DIXDC1: variants seen among roughly 807,000 people sequenced by gnomAD.
DIXDC1 encodes the protein DIX domain containing 1.
In DIXDC1, 64 loss-of-function variants were observed where a neutral mutation model predicts 103.1. The ratio of observed to expected loss-of-function variants is 0.62; its 90% confidence interval spans 0.51 to 0.76. The LOEUF is 0.76. Among genes scored for constraint, DIXDC1 ranks in the 30% least tolerant of loss-of-function variants. DIXDC1 has a pLI of 0.00. For missense variants in DIXDC1, 759 were observed against 834.2 expected, an observed-to-expected ratio of 0.91 and a Z score of 1.11; for synonymous variants, 266 against 298.5, an observed-to-expected ratio of 0.89 and a Z score of 1.12.
chr11:111,986,014 A>G (rs1355633616), intron 8 of DIXDC1, among the ~76,000 whole-genome samples: 1 of 152,136 alleles, frequency 6.6e-6, no homozygotes, highest in Non-Finnish European at 1.5e-5. Flanking sequence ...CCAGTCAGTC[A>G]CCAAGTTTTA....
intron 1 of DIXDC1, among the ~76,000 whole-genome samples, chr11:111,939,765 A>G (rs782126436): frequency 6.6e-6 from 1 of 152,184 alleles, no homozygotes. Flanking sequence ...TTTAGAGTCC[A>G]TGGGGCCCTA....
intron 1 of DIXDC1, among the ~76,000 whole-genome samples, chr11:111,955,339 C>CAA (rs869169346): frequency 1.0e-4 from 5 of 49,778 alleles, no homozygotes; most frequent in Non-Finnish European, 1.5e-4. Flanking sequence ...GAGACCCTGT[C>CAA]AAAAAAAAAA....
intron 1 of DIXDC1, among the ~76,000 whole-genome samples, chr11:111,943,910 C>G (rs182260394): frequency 6.6e-6 from 1 of 152,090 alleles, no homozygotes; most frequent in East Asian, 1.9e-4. Context: ...AAGAACCTGT[C>G]CATGAAAGGA....
rs1264855566 is a variant in DIXDC1, at chr11:111,958,614, G to A, written c.61-5935G>A. Among the ~76,000 whole-genome samples, 2 of 152,200 alleles carry A rather than the reference G, an allele frequency of 1.3e-5. No individual in the cohort carries two copies. Among genetic ancestry groups the A allele is most frequent in the African/African-American group, 2.4e-5 (1 of 41,466 alleles). Reference sequence around the variant, plus strand: ...CTGGTCTACACGTGCCCCTTGGCACGTGGCAGGAGGCAGACAGGCTCCTGT... The same window carrying A: ...CTGGTCTACACGTGCCCCTTGGCACATGGCAGGAGGCAGACAGGCTCCTGT... On this transcript the variant is annotated intron_variant, in intron 1 of 19. Coordinates refer to ENST00000440460, the MANE Select transcript of DIXDC1 (RefSeq NM_001037954.4). The surrounding 1 kb of genome is among the most constrained non-coding windows in gnomAD (Gnocchi z 4.2).
intron 17 of DIXDC1, among the ~76,000 whole-genome samples, chr11:112,002,035 G>A (rs1861084700): frequency 6.6e-6 from 1 of 152,070 alleles, no homozygotes; most frequent in Non-Finnish European, 1.5e-5. Flanking sequence ...GGGATTACAG[G>A]GGTGAGCCAC....
chr11:111,929,675 C>T (rs587749594), intron 1 of DIXDC1: 1 of 476,270 alleles, frequency 2.1e-6, no homozygotes, highest in Non-Finnish European at 3.7e-6. Context: ...TTCCTGCTAA[C>T]TAGGGTCCTA....
chr11:111,993,501 G>A lies in DIXDC1; in HGVS notation c.1278G>A (p.Glu426=), dbSNP rs782153347. Residue 426 remains glutamate, a synonymous_variant, in exon 13 of 20, where the codon GAG becomes GAA. Transcript: ENST00000440460. ...RNRLLGEYKK[E]LGQKDRLLQQ... ...AAGCTCTATCTTTATTGCAGAAAGA[G>A]CTGGGGCAGAAGGATCGCCTTCTTC... 30 of 1,613,904 alleles carry A rather than the reference G, an allele frequency of 1.9e-5. No homozygotes were observed. The highest frequency in any genetic ancestry group is 1.3e-4 in the Admixed American group (8 of 59,994).
chr11:111,977,403 A>G lies in DIXDC1; in HGVS notation c.656+2420A>G, dbSNP rs1860143176. ...CCCTCCCAGTGGGAGATGGGTTGAG[A>G]TGCCCCCGCCAGGGGGGATGCCCGG... On this transcript the variant is annotated intron_variant, in intron 5 of 19. Coordinates refer to ENST00000440460, the MANE Select transcript of DIXDC1 (RefSeq NM_001037954.4). The surrounding 1 kb of genome is among the most constrained non-coding windows in gnomAD (Gnocchi z 6.1). 2.6e-6 allele frequency: 3 copies of G among 1,133,442 alleles called. No homozygotes were observed. The highest frequency in any genetic ancestry group is 3.4e-5 in the African/African-American group (2 of 59,676). The allele number at this position is 1,133,442 out of a possible 1,614,324, so 70.2% of individuals were successfully genotyped here. A position where few individuals can be genotyped will look rare whatever the true frequency, so the allele number is the denominator to read the frequency against.
At position 111,942,999 on chromosome 11, in the gene DIXDC1, T is replaced by C. The variant is rs78313537; in HGVS notation, c.60+5440T>C. On this transcript the variant is annotated intron_variant, in intron 1 of 19. Coordinates refer to ENST00000440460, the MANE Select transcript of DIXDC1 (RefSeq NM_001037954.4). Reference sequence around the variant, plus strand: ...CTTGGCAGTCGTTCCAATAAGAAGATGACGGGTAGCACAGACAGCTTGAAT... The same window carrying C: ...CTTGGCAGTCGTTCCAATAAGAAGACGACGGGTAGCACAGACAGCTTGAAT... 4.9e-3 allele frequency among the ~76,000 whole-genome samples: 743 copies of C among 152,320 alleles called. 3 individuals carry two copies. The highest frequency in any genetic ancestry group is 0.017 in the African/African-American group (709 of 41,566).
intron 1 of DIXDC1, among the ~76,000 whole-genome samples, chr11:111,963,693 C>T (rs1859644468): frequency 6.6e-6 from 1 of 152,194 alleles, no homozygotes; most frequent in South Asian, 2.1e-4. Flanking sequence ...AAATAATCAG[C>T]ATAAACATCT....
chr11:112,006,466 C>T (rs1009602160), intron 17 of DIXDC1, among the ~76,000 whole-genome samples: 126 of 152,356 alleles, frequency 8.3e-4, no homozygotes, highest in African/African-American at 2.8e-3. Context: ...GCTCTGAGAA[C>T]GGACAGACTG....
chr11:112,018,142 T>C (rs1434024276), intron 19 of DIXDC1, among the ~76,000 whole-genome samples: 1 of 152,262 alleles, frequency 6.6e-6, no homozygotes, highest in Non-Finnish European at 1.5e-5. Context: ...AATTATTTTG[T>C]TAGGGAAAAT....
At chr11:111,963,149 T>C (rs1555171212) in intron 1 of DIXDC1, among the ~76,000 whole-genome samples, 1 of 152,240 alleles carries the variant, frequency 6.6e-6, no homozygotes, top group Admixed American at 6.5e-5. Flanking sequence ...CTAGTGTTTT[T>C]CTGAGAATTG....
At chr11:111,934,002 C>T (rs1334516079), upstream of DIXDC1, among the ~76,000 whole-genome samples, 1 of 152,208 alleles carries the variant, frequency 6.6e-6, no homozygotes, top group African/African-American at 2.4e-5. Flanking sequence ...CTCATTCATT[C>T]CTTCAAGTAA....
chr11:111,996,111 G>A lies in DIXDC1; in HGVS notation c.1721G>A (p.Gly574Asp), dbSNP rs782526258. ...VRVKSPRTQVGSEYRESWPPN... is the reference protein window; with the variant it reads ...VRVKSPRTQVDSEYRESWPPN... Reference sequence around the variant, plus strand: ...GTCAAGTCACCCAGAACTCAAGTAGGTAGTGAATACCGGGAGTCCTGGCCC... The same window carrying A: ...GTCAAGTCACCCAGAACTCAAGTAGATAGTGAATACCGGGAGTCCTGGCCC... The change falls in exon 17 of 20, where the codon GGT becomes GAT. Residue 574 changes from glycine to aspartate, a missense_variant. Transcript: ENST00000440460. The A allele has an allele frequency of 1.2e-6, 2 of 1,613,648 alleles. No homozygotes were observed. Among genetic ancestry groups the A allele is most frequent in the Admixed American group, 1.7e-5 (1 of 59,982 alleles).
intron 1 of DIXDC1, among the ~76,000 whole-genome samples, chr11:111,944,671 G>T (rs1966534484): frequency 1.3e-5 from 2 of 152,156 alleles, no homozygotes; most frequent in South Asian, 4.1e-4. Context: ...TGGAGATTAT[G>T]GGATTGCTAA....
chr11:111,955,832 T>TC (rs1555170512), intron 1 of DIXDC1, among the ~76,000 whole-genome samples: 3 of 36,012 alleles, frequency 8.3e-5, no homozygotes, highest in African/African-American at 5.3e-4. Context: ...AGACTCTAGC[T>TC]CAAAAAAAAA....
intron 10 of DIXDC1, among the ~76,000 whole-genome samples, chr11:111,990,032 T>C (rs1454818232): frequency 1.3e-5 from 2 of 151,154 alleles, no homozygotes; most frequent in Non-Finnish European, 3.0e-5. Flanking sequence ...CCTTGTGATC[T>C]GCCCGCCTTG....
At chr11:111,980,619 C>T (rs1048164598) in intron 5 of DIXDC1, 118 bp from the exon 6 acceptor site, 1 of 696,532 alleles carries the variant, frequency 1.4e-6, no homozygotes, top group Non-Finnish European at 2.4e-6. Context: ...TACTGTGTTA[C>T]CCATGGAGGA....
Sources: allele counts gnomAD v4.1 joint callset (sites outside exome capture counted in the v4.1 genomes callset), GRCh38; gene constraint gnomAD v4.1.1; non-coding constraint Gnocchi (gnomAD v3.1); transcripts MANE v1.5; gene names NCBI Gene and HGNC (gene_info 2026-07-23, HGNC 2026-07-21).